The following DOCK3 variants were observed in gnomAD, a reference collection of about 807,000 sequenced individuals.
DOCK3 encodes dedicator of cytokinesis 3.
DOCK3 carries 60 observed loss-of-function variants against 265.6 expected under a neutral mutation model. The observed-to-expected ratio is 0.23, with a 90% confidence interval of 0.18 to 0.28. The LOEUF (loss-of-function observed/expected upper bound fraction) is 0.28, where lower values mean the gene tolerates loss of function less well. DOCK3 is among the 10% of genes least tolerant of loss of function. The pLI is 1.00. For synonymous variants in DOCK3, 881 were observed against 938.0 expected (o/e 0.94, Z 1.11); for missense variants, 1,981 against 2,594.3 (o/e 0.76, Z 5.14).
Position 51,228,770 on chromosome 3 carries a change from G to A in DOCK3, c.1757G>A (p.Arg586His), listed in dbSNP as rs777426657. ...PNIPSSLIFQ[R>H]STKESFFIST... ...ATTCCTTCTAGCCTCATCTTCCAGC[G>A]CAGCACCAAAGAGTCTTTCTTCATC... Residue 586 changes from arginine (R) to histidine (H), a missense_variant, in exon 18 of 53, where the codon CGC (arginine) becomes CAC (histidine). This residue lies in a region of DOCK3 where 1,357 missense variants were observed against 1,866.8 expected (regional missense o/e 0.73). Transcript: ENST00000266037. 13 of 1,613,826 alleles carry A rather than the reference G, an allele frequency of 8.1e-6. No individual in the cohort carries two copies. Among genetic ancestry groups the A allele is most frequent in the South Asian group, 2.2e-5 (2 of 91,078 alleles).
chr3:51,150,096 A>G (rs1441224519), intron 10 of DOCK3, among the ~76,000 whole-genome samples: 1 of 152,006 alleles, frequency 6.6e-6, no homozygotes, highest in African/African-American at 2.4e-5. Flanking sequence ...GAATTTATCC[A>G]TTTCTTCTAG....
At chr3:50,749,863 T>C (rs1194660312) in intron 1 of DOCK3, among the ~76,000 whole-genome samples, 1 of 152,166 alleles carries the variant, frequency 6.6e-6, no homozygotes, top group Admixed American at 6.5e-5. Context: ...CCTAACTCCT[T>C]AGTTAATTTT....
chr3:51,255,836 T>C (rs1371627574), intron 22 of DOCK3, among the ~76,000 whole-genome samples: 7 of 152,238 alleles, frequency 4.6e-5, no homozygotes, highest in South Asian at 2.1e-4. Flanking sequence ...AGAAGTTTGT[T>C]ATTACCGATA....
At chr3:51,244,078 T>C (rs2078723478) in intron 21 of DOCK3, among the ~76,000 whole-genome samples, 1 of 152,242 alleles carries the variant, frequency 6.6e-6, no homozygotes, top group African/African-American at 2.4e-5. Flanking sequence ...TATGTCTTTA[T>C]GCTAATTCAA....
intron 1 of DOCK3, among the ~76,000 whole-genome samples, chr3:50,752,970 G>C (rs2039929929): frequency 6.6e-6 from 1 of 152,114 alleles, no homozygotes; most frequent in South Asian, 2.1e-4. Flanking sequence ...TAGACTGGGA[G>C]TTTGCAAATA....
At chr3:50,686,294 G>A (rs2034791385) in intron 1 of DOCK3, among the ~76,000 whole-genome samples, 1 of 152,090 alleles carries the variant, frequency 6.6e-6, no homozygotes, top group African/African-American at 2.4e-5. Flanking sequence ...ATAGGATGTT[G>A]GAAATGGAAG....
chr3:51,337,267 A>G (rs926409948), intron 35 of DOCK3, among the ~76,000 whole-genome samples: 90 of 152,156 alleles, frequency 5.9e-4, no homozygotes, highest in African/African-American at 2.1e-3. Flanking sequence ...CTTTTCTTTC[A>G]AAGAAGTCAT....
intron 5 of DOCK3, among the ~76,000 whole-genome samples, chr3:51,026,449 T>A (rs1461731829): frequency 2.3e-5 from 3 of 132,166 alleles, no homozygotes; most frequent in Non-Finnish European, 3.4e-5. Flanking sequence ...TTTTTTTTTT[T>A]ATTGTGTCCT....
chr3:51,284,246 G>GA (rs1018524249), intron 27 of DOCK3, among the ~76,000 whole-genome samples: 6 of 151,814 alleles, frequency 4.0e-5, no homozygotes, highest in Non-Finnish European at 7.4e-5. Flanking sequence ...TAGACCTCAG[G>GA]AAAAAAAATT....
At chr3:51,087,658 A>C (rs945293734) in intron 7 of DOCK3, among the ~76,000 whole-genome samples, 11 of 152,184 alleles carry the variant, frequency 7.2e-5, no homozygotes, top group African/African-American at 2.7e-4. Context: ...AAAGAAATAA[A>C]AGGCATTTAA....
intron 21 of DOCK3, among the ~76,000 whole-genome samples, chr3:51,241,464 C>T (rs1218628953): frequency 5.3e-5 from 8 of 152,072 alleles, no homozygotes; most frequent in Admixed American, 2.6e-4. Context: ...TGAATGTTGC[C>T]CTTTCTAGCT....
chr3:50,774,976 C>G (rs1354145203), intron 1 of DOCK3, among the ~76,000 whole-genome samples: 1 of 151,894 alleles, frequency 6.6e-6, no homozygotes, highest in African/African-American at 2.4e-5. Context: ...AATATTAAAC[C>G]AATCTTGCAT....
At chr3:51,291,779 G>A (rs1273467956) in intron 27 of DOCK3, among the ~76,000 whole-genome samples, 2 of 152,156 alleles carry the variant, frequency 1.3e-5, no homozygotes, top group African/African-American at 4.8e-5. Context: ...ACTAAAGCCA[G>A]ACAAAGACAC....
At chr3:51,017,500 A>G (rs1426800320) in intron 5 of DOCK3, among the ~76,000 whole-genome samples, 3 of 151,906 alleles carry the variant, frequency 2.0e-5, no homozygotes, top group African/African-American at 4.8e-5. Flanking sequence ...ACTTGTAGCT[A>G]TAAATGTTCC....
intron 12 of DOCK3, among the ~76,000 whole-genome samples, chr3:51,190,714 T>A (rs1407980612): frequency 2.6e-5 from 4 of 152,144 alleles, no homozygotes; most frequent in African/African-American, 9.7e-5. Context: ...GGTATTCTGG[T>A]TTCTCAGGTG....
rs1056968505 is a variant in DOCK3, at chr3:50,850,506, G to C, written c.162+8791G>C. Among the ~76,000 whole-genome samples the C allele has an allele frequency of 1.2e-4, 18 of 152,058 alleles. 1 individual carries two copies. The highest frequency in any genetic ancestry group is 9.2e-4 in the Admixed American group (14 of 15,280). On this transcript the variant is annotated intron_variant, in intron 3 of 52. Transcript: ENST00000266037. ...ATTTCTGAGTCTCCATTTTGGTTAG[G>C]GACCATTGTTGGAGAGGTTGTGCAA...
chr3:51,347,221 A>G (rs1423743553), intron 38 of DOCK3, among the ~76,000 whole-genome samples: 2 of 152,196 alleles, frequency 1.3e-5, no homozygotes, highest in Admixed American at 6.5e-5. Flanking sequence ...GCCCATGCCT[A>G]TGTCCTGAAT....
intron 32 of DOCK3, among the ~76,000 whole-genome samples, chr3:51,324,640 GACATCATGCTACCTGACTTCAA>G (rs1443163817): frequency 1.3e-5 from 2 of 152,174 alleles, no homozygotes; most frequent in Admixed American, 1.3e-4. Flanking sequence ...CAAAGCTGGA[GACATCATGCTACCTGACTTCAA>G]ACTATACTAC....
chr3:50,681,423 A>G (rs574855361), intron 1 of DOCK3, among the ~76,000 whole-genome samples: 348 of 152,306 alleles, frequency 2.3e-3, no homozygotes, highest in African/African-American at 8.0e-3. Context: ...ACATGTAAGC[A>G]TTATTGGGTA....
Sources: allele counts gnomAD v4.1 joint callset (sites outside exome capture counted in the v4.1 genomes callset), GRCh38; gene constraint gnomAD v4.1.1; regional missense constraint gnomAD v4.1.1; transcripts MANE v1.5; gene names NCBI Gene and HGNC (gene_info 2026-07-23, HGNC 2026-07-21).